SRD5A2: variants seen among roughly 807,000 people sequenced by gnomAD.
SRD5A2 encodes the protein steroid 5 alpha-reductase 2.
In SRD5A2, 30 loss-of-function variants were observed where a neutral mutation model predicts 27.4. The observed-to-expected ratio is 1.10, with a 90% CI of 0.82 to 1.49. The LOEUF (loss-of-function observed/expected upper bound fraction) is 1.49, where lower values mean the gene tolerates loss of function less well. Ranked by LOEUF, SRD5A2 falls within the 40% of genes most tolerant of loss-of-function variation. The pLI is 0.00. For synonymous variants in SRD5A2, 141 were observed against 133.6 expected (o/e 1.06, Z -0.38); for missense variants, 348 against 323.4 (o/e 1.08, Z -0.58).
upstream of SRD5A2, among the ~76,000 whole-genome samples, chr2:31,582,441 A>G (rs1489074507): frequency 2.6e-5 from 4 of 152,194 alleles, no homozygotes; most frequent in African/African-American, 4.8e-5. Context: ...AATTAATGCT[A>G]ATCATACTTC....
the SRD5A2 span, among the ~76,000 whole-genome samples, chr2:31,653,576 T>A: frequency 6.6e-6 from 1 of 152,192 alleles, no homozygotes; most frequent in African/African-American, 2.4e-5. Context: ...GGTATGAACA[T>A]AGCTGCATAA....
chr2:31,636,686 G>A, the SRD5A2 span, among the ~76,000 whole-genome samples: 5 of 152,098 alleles, frequency 3.3e-5, no homozygotes, highest in African/African-American at 9.6e-5. Context: ...TCATAAAGGG[G>A]TGCCGAATTT....
chr2:31,661,561 G>GAC, the SRD5A2 span, among the ~76,000 whole-genome samples: 1 of 152,168 alleles, frequency 6.6e-6, no homozygotes, highest in Non-Finnish European at 1.5e-5. Context: ...GATCAGATGT[G>GAC]TAGAAACACA....
intron 1 of SRD5A2, among the ~76,000 whole-genome samples, chr2:31,572,613 A>T (rs1451513227): frequency 6.6e-6 from 1 of 152,218 alleles, no homozygotes; most frequent in African/African-American, 2.4e-5. Context: ...AACCCAATAC[A>T]CTAGAACTTA....
chr2:31,654,403 G>T, the SRD5A2 span, among the ~76,000 whole-genome samples: 31 of 152,276 alleles, frequency 2.0e-4, no homozygotes, highest in African/African-American at 7.5e-4. Flanking sequence ...AGTGGAAAAA[G>T]CACCCAGGGC....
chr2:31,540,457 C>T (rs1666107566), intron 1 of SRD5A2, among the ~76,000 whole-genome samples: 1 of 152,028 alleles, frequency 6.6e-6, no homozygotes, highest in Non-Finnish European at 1.5e-5. Context: ...AAGAAACTCA[C>T]TCAAATATAA....
At chr2:31,577,280 G>A (rs1040168487) in intron 1 of SRD5A2, among the ~76,000 whole-genome samples, 36 of 147,394 alleles carry the variant, frequency 2.4e-4, no homozygotes, top group African/African-American at 8.7e-4. Context: ...AATCCAAACA[G>A]CCACAACAAT....
At chr2:31,594,866 C>T in the SRD5A2 span, among the ~76,000 whole-genome samples, 1 of 152,198 alleles carries the variant, frequency 6.6e-6, no homozygotes, top group South Asian at 2.1e-4. Context: ...CTCTGTCATA[C>T]CGCAGTAGAA....
At position 31,578,688 on chromosome 2, in the gene SRD5A2, G is replaced by T. The variant is rs143328827; in HGVS notation, c.281+1932C>A. 8.5e-5 allele frequency among the ~76,000 whole-genome samples: 13 copies of T among 152,272 alleles called. No individual in the cohort carries two copies. The East Asian group carries it at 2.5e-3, about 29-fold the overall frequency. On this transcript the variant is annotated intron_variant, in intron 1 of 4. Coordinates refer to ENST00000622030, the MANE Select transcript of SRD5A2 (RefSeq NM_000348.4). ...ACTTCCAGTGGGCAATTTTCCCTCA[G>T]GCAGAATGAATCTCCAAGTCCTTTA...
At position 31,580,738 on chromosome 2, in the gene SRD5A2, G is replaced by T; in HGVS notation, c.163C>A (p.Leu55Met). 1 of 1,609,400 alleles carries T rather than the reference G, an allele frequency of 6.2e-7. No homozygotes were observed. Among genetic ancestry groups the T allele is most frequent in the South Asian group, 1.1e-5 (1 of 91,018 alleles). Residue 55 changes from leucine to methionine, a missense_variant, in exon 1 of 5, where the codon CTG becomes ATG. Coordinates refer to ENST00000622030, the MANE Select transcript of SRD5A2 (RefSeq NM_000348.4). The stretch of plus-strand genomic sequence containing the variant: ...ACCGCGAAGGAAGGCAGCTCCTGCA[G>T]GAACCAGGCGGCGCGGGCTGGCAGG... The part of the protein sequence containing the change: ...TRLPARAAWF[L>M]QELPSFAVPA...
chr2:31,580,545 G>A lies in SRD5A2; in HGVS notation c.281+75C>T, dbSNP rs1270206069. On this transcript the variant is annotated intron_variant, in intron 1 of 4. Transcript: ENST00000622030. ...GCCTCCTTGGCGTTCCTCGGTGCGC[G>A]CTCCACGCTGCGCTCCTGGACGCCG... is the stretch of plus-strand genomic sequence containing the variant. 7 of 1,411,026 alleles carry A rather than the reference G, an allele frequency of 5.0e-6. No homozygotes were observed. The South Asian group carries it at 7.6e-5, about 15-fold the overall frequency. 87.4% of individuals were successfully genotyped at this position (1,411,026 alleles called of 1,614,324 possible).
chr2:31,551,144 AC>A (rs1666374106), intron 1 of SRD5A2, among the ~76,000 whole-genome samples: 2 of 152,088 alleles, frequency 1.3e-5, no homozygotes, highest in Admixed American at 6.6e-5. Context: ...TGTAAATCTA[AC>A]CAAACATGTA....
At chr2:31,539,504 C>A (rs1279017453) in intron 1 of SRD5A2, among the ~76,000 whole-genome samples, 1 of 152,214 alleles carries the variant, frequency 6.6e-6, no homozygotes, top group East Asian at 1.9e-4. Context: ...GTTATAGGCA[C>A]TCTAACCCCT....
chr2:31,551,457 A>G (rs372818950), intron 1 of SRD5A2, among the ~76,000 whole-genome samples: 1 of 152,176 alleles, frequency 6.6e-6, no homozygotes, highest in African/African-American at 2.4e-5. Flanking sequence ...CAAATATAAC[A>G]GCTTAGCTTG....
At chr2:31,658,569 T>A in the SRD5A2 span, among the ~76,000 whole-genome samples, 2 of 149,746 alleles carry the variant, frequency 1.3e-5, no homozygotes, top group South Asian at 4.2e-4. Flanking sequence ...AAAAAAAAAA[T>A]CCTCAGAGAC....
intron 4 of SRD5A2, among the ~76,000 whole-genome samples, chr2:31,526,675 A>G (rs1177281984): frequency 6.6e-6 from 1 of 152,178 alleles, no homozygotes; most frequent in Non-Finnish European, 1.5e-5. Context: ...AGAACCAGCA[A>G]TGTTCCCAGG....
chr2:31,529,372 G>A lies in SRD5A2; in HGVS notation c.633C>T (p.Leu211=), dbSNP rs1665854605. The change falls in exon 4 of 5, where the codon CTC becomes CTT. Residue 211 remains leucine (L), a synonymous_variant. Transcript: ENST00000622030. The stretch of plus-strand genomic sequence containing the variant: ...AGAAAAATGCAAATGCAAGTGCTGG[G>A]AGGGACCAAGTGGCCAGGGCATAGC... ...WIGYALATWS[L]PALAFAFFSL... 1 of 1,613,940 alleles carries A rather than the reference G, an allele frequency of 6.2e-7. No individual in the cohort carries two copies. The highest frequency in any genetic ancestry group is 8.5e-7 in the Non-Finnish European group (1 of 1,179,838).
At chr2:31,652,791 AT>A in the SRD5A2 span, among the ~76,000 whole-genome samples, 1 of 152,180 alleles carries the variant, frequency 6.6e-6, no homozygotes, top group Non-Finnish European at 1.5e-5. Context: ...AAAAATGCAG[AT>A]TTTGTCAGAA....
chr2:31,583,065 C>A (rs573762480), upstream of SRD5A2, among the ~76,000 whole-genome samples: 1 of 152,330 alleles, frequency 6.6e-6, no homozygotes, highest in Admixed American at 6.5e-5. Context: ...TCAGCTTATG[C>A]ATCTGTGGGT....
Sources: allele counts gnomAD v4.1 joint callset (sites outside exome capture counted in the v4.1 genomes callset), GRCh38; gene constraint gnomAD v4.1.1; transcripts MANE v1.5; gene names NCBI Gene and HGNC (gene_info 2026-07-23, HGNC 2026-07-21).